The following TBC1D19 variants were observed in gnomAD, a reference collection of about 807,000 sequenced individuals.
TBC1D19 encodes TBC1 domain family, member 19.
TBC1D19 carries 60 observed loss-of-function variants against 89.0 expected under a neutral mutation model. The observed-to-expected ratio is 0.67, with a 90% CI of 0.55 to 0.84. The LOEUF is 0.84. Among genes scored for constraint, TBC1D19 ranks in the 40% least tolerant of loss-of-function variants. The pLI is 0.00. For synonymous variants in TBC1D19, 189 were observed against 199.7 expected (o/e 0.95, Z 0.45); for missense variants, 500 against 610.8 (o/e 0.82, Z 1.91).
intron 4 of TBC1D19, among the ~76,000 whole-genome samples, chr4:26,625,263 T>C (rs532515122): frequency 1.3e-5 from 2 of 152,244 alleles, no homozygotes; most frequent in East Asian, 3.9e-4. Flanking sequence ...AATACTAACC[T>C]TGAGAGATGC....
the TBC1D19 span, among the ~76,000 whole-genome samples, chr4:26,789,936 T>G: frequency 6.6e-6 from 1 of 152,050 alleles, no homozygotes; most frequent in Non-Finnish European, 1.5e-5. Context: ...TAACCCAGAA[T>G]CAAAAATTTA....
At chr4:26,741,362 CAAAA>C (rs34342483) in intron 17 of TBC1D19, among the ~76,000 whole-genome samples, 155 of 73,648 alleles carry the variant, frequency 2.1e-3, no homozygotes, top group African/African-American at 7.7e-3. Flanking sequence ...GACTCTGTCT[CAAAA>C]AAAAAAAAAA....
chr4:26,850,560 A>AAAAAAAAAAAAAAAAAAAG, the TBC1D19 span, among the ~76,000 whole-genome samples: 1 of 148,590 alleles, frequency 6.7e-6, no homozygotes, highest in African/African-American at 2.5e-5. Flanking sequence ...AAAAAAAAAA[A>AAAAAAAAAAAAAAAAAAAG]AAGAAGAAGA....
chr4:26,795,163 C>T, the TBC1D19 span, among the ~76,000 whole-genome samples: 2 of 152,178 alleles, frequency 1.3e-5, no homozygotes, highest in African/African-American at 4.8e-5. Context: ...CTCAGCCACA[C>T]TGGACTTCTT....
the TBC1D19 span, among the ~76,000 whole-genome samples, chr4:26,793,998 CT>C: frequency 6.6e-6 from 1 of 152,136 alleles, no homozygotes; most frequent in Non-Finnish European, 1.5e-5. Context: ...CCCTGATTAG[CT>C]AGTCTTGAGT....
At chr4:26,700,921 C>CTTG (rs1326865321) in intron 13 of TBC1D19, among the ~76,000 whole-genome samples, 1 of 152,132 alleles carries the variant, frequency 6.6e-6, no homozygotes, top group Non-Finnish European at 1.5e-5. Context: ...ATTCATGTCA[C>CTTG]TTGTTTGATT....
intron 1 of TBC1D19, among the ~76,000 whole-genome samples, chr4:26,611,439 C>T (rs1268956634): frequency 4.0e-5 from 6 of 151,828 alleles, no homozygotes; most frequent in Non-Finnish European, 2.9e-5. Context: ...CATGGTATAG[C>T]TCAACATGTT....
chr4:26,703,921 A>G lies in TBC1D19; in HGVS notation c.955-14012A>G, dbSNP rs901844755. On this transcript the variant is annotated intron_variant, in intron 13 of 20. Coordinates refer to ENST00000264866, the MANE Select transcript of TBC1D19 (RefSeq NM_018317.4). Reference sequence around the variant, plus strand: ...GTTTGCAGTGAGCCAAGATCGTGCCACTGCAATTCGGCCTGGGCAAAAGAG... The same window carrying G: ...GTTTGCAGTGAGCCAAGATCGTGCCGCTGCAATTCGGCCTGGGCAAAAGAG... 8.5e-5 allele frequency among the ~76,000 whole-genome samples: 12 copies of G among 141,380 alleles called. No individual in the cohort carries two copies. The Admixed American group carries it at 9.4e-4, about 11-fold the overall frequency. The allele number at this position is 141,380 out of a possible 152,430, so 92.8% of individuals were successfully genotyped here. A position where few individuals can be genotyped will look rare whatever the true frequency, so the allele number is the denominator to read the frequency against.
chr4:26,633,201 A>G (rs1461903655), intron 4 of TBC1D19, among the ~76,000 whole-genome samples: 1 of 152,134 alleles, frequency 6.6e-6, no homozygotes, highest in Non-Finnish European at 1.5e-5. Flanking sequence ...CCAGACTTTC[A>G]TGATGATCTC....
intron 13 of TBC1D19, among the ~76,000 whole-genome samples, chr4:26,691,824 A>G (rs1392609575): frequency 6.6e-6 from 1 of 152,222 alleles, no homozygotes; most frequent in African/African-American, 2.4e-5. Flanking sequence ...CATTTATACA[A>G]TAATACTAGT....
chr4:26,594,328 G>T (rs938028517), intron 1 of TBC1D19, among the ~76,000 whole-genome samples: 6 of 152,142 alleles, frequency 3.9e-5, no homozygotes, highest in Middle Eastern at 3.4e-3. Context: ...CATCACACAC[G>T]GAGGCCTGTT....
intron 18 of TBC1D19, 59 bp from the exon 19 acceptor site, chr4:26,748,352 G>GC (rs1718764610): frequency 1.6e-6 from 2 of 1,225,704 alleles, no homozygotes; most frequent in Non-Finnish European, 2.4e-6. Flanking sequence ...TTCTGATATT[G>GC]CATTTTCATG....
the TBC1D19 span, among the ~76,000 whole-genome samples, chr4:26,835,779 A>G: frequency 1.3e-5 from 2 of 152,156 alleles, no homozygotes; most frequent in African/African-American, 4.8e-5. Flanking sequence ...TCACGTTTCT[A>G]CTATAAACCT....
At chr4:26,617,803 A>G (rs1362505) in intron 3 of TBC1D19, among the ~76,000 whole-genome samples, 3,906 of 152,316 alleles carry the variant, frequency 0.026, 169 homozygotes, top group African/African-American at 0.089. Context: ...AACATAAAGA[A>G]GTAAATAAAC....
At chr4:26,580,873 G>A (rs1739049458), upstream of TBC1D19, among the ~76,000 whole-genome samples, 1 of 152,176 alleles carries the variant, frequency 6.6e-6, no homozygotes, top group Non-Finnish European at 1.5e-5. Context: ...CCACTAGTCA[G>A]TGGTTTTCAA....
chr4:26,801,561 T>C, the TBC1D19 span, among the ~76,000 whole-genome samples: 4 of 152,210 alleles, frequency 2.6e-5, no homozygotes, highest in African/African-American at 9.7e-5. Context: ...ATTGGTAGCT[T>C]GATGGGGATG....
chr4:26,598,582 G>C (rs1740386901), intron 1 of TBC1D19, among the ~76,000 whole-genome samples: 1 of 152,090 alleles, frequency 6.6e-6, no homozygotes. Flanking sequence ...TTTTAGTAGA[G>C]ACGGGGTTTC....
At chr4:26,640,791 C>A (rs183235862) in intron 7 of TBC1D19, among the ~76,000 whole-genome samples, 1 of 152,106 alleles carries the variant, frequency 6.6e-6, no homozygotes, top group African/African-American at 2.4e-5. Flanking sequence ...TGCCCACAGA[C>A]CCTTGCTCAC....
rs138694477 is a variant in TBC1D19, at chr4:26,729,663, A to G, written c.1085-5792A>G. Among the ~76,000 whole-genome samples, 11 of 152,310 alleles carry G rather than the reference A, an allele frequency of 7.2e-5. No individual in the cohort carries two copies. The East Asian group carries it at 1.9e-3, about 27-fold the overall frequency. ...ATGATAAATAATCTAGTGTGACTAT[A>G]CTACGGAGAGTATGGAGTTAGGATA... On this transcript the variant is annotated intron_variant, in intron 15 of 20. Coordinates refer to ENST00000264866, the MANE Select transcript of TBC1D19 (RefSeq NM_018317.4).
Sources: allele counts gnomAD v4.1 joint callset (sites outside exome capture counted in the v4.1 genomes callset), GRCh38; gene constraint gnomAD v4.1.1; transcripts MANE v1.5; gene names NCBI Gene and HGNC (gene_info 2026-07-23, HGNC 2026-07-21).